VPS9D1: variants seen among roughly 807,000 people sequenced by gnomAD.
VPS9D1 encodes the protein VPS9 domain containing 1.
VPS9D1 carries 78 observed loss-of-function variants against 75.8 expected under a neutral mutation model. The ratio of observed to expected loss-of-function variants is 1.03; its 90% confidence interval spans 0.86 to 1.24. VPS9D1 has a LOEUF of 1.24. Ranked by LOEUF, VPS9D1 falls within the 50% of genes most tolerant of loss-of-function variation. The pLI is 0.00. For synonymous variants in VPS9D1, 481 were observed against 385.6 expected (o/e 1.25, Z -2.90); for missense variants, 1,057 against 847.7 (o/e 1.25, Z -3.07).
Position 89,710,739 on chromosome 16 carries a change from T to C in VPS9D1, c.1105A>G (p.Thr369Ala). The C allele has an allele frequency of 6.3e-7, 1 of 1,585,520 alleles. No homozygotes were observed. The highest frequency in any genetic ancestry group is 8.6e-7 in the Non-Finnish European group (1 of 1,166,146). Residue 369 changes from threonine (T) to alanine (A), a missense_variant, in exon 10 of 15, where the codon ACC (threonine) becomes GCC (alanine). Thr to Ala is a moderately conservative substitution (Grantham distance 58). Transcript: ENST00000389386. ...PVGSPSPLGD[T>A]ASGLPDKDSS... Reference sequence around the variant, plus strand: ...TCCTTGTCTGGCAATCCAGATGCGGTGTCCCCCAGGGGTGAGGGAGACCCC... The same window carrying C: ...TCCTTGTCTGGCAATCCAGATGCGGCGTCCCCCAGGGGTGAGGGAGACCCC...
chr16:89,718,303 C>T (rs1158310646), intron 2 of VPS9D1: 2 of 350,198 alleles, frequency 5.7e-6, no homozygotes, highest in Admixed American at 3.9e-5. Context: ...CAGTCCTCAC[C>T]TGAGGCTCCA....
chr16:89,711,930 C>G lies in VPS9D1; in HGVS notation c.699G>C (p.Arg233=), dbSNP rs979597121. Residue 233 remains arginine, a synonymous_variant, in exon 8 of 15, where the codon CGG becomes CGC. Coordinates refer to ENST00000389386, the MANE Select transcript of VPS9D1 (RefSeq NM_004913.3). ...TGGCGGCGTAAAGGGCCCGCTGCTC[C>G]CGTTCCTCCGGGGTCAGGGCGACTT... The part of the protein sequence containing the change: ...CSQVALTPEE[R]EQRALYAAIL... 1 of 1,551,654 alleles carries G rather than the reference C, an allele frequency of 6.4e-7. No homozygotes were observed. The highest frequency in any genetic ancestry group is 1.2e-5 in the South Asian group (1 of 84,144).
intron 4 of VPS9D1, chr16:89,713,059 G>C: frequency 5.9e-6 from 1 of 170,270 alleles, no homozygotes; most frequent in Non-Finnish European, 1.3e-5. Context: ...GTGCACACTT[G>C]TAATCCCAGC....
chr16:89,708,971 G>T lies in VPS9D1; in HGVS notation c.1598-15C>A. 2 of 1,581,954 alleles carry T rather than the reference G, an allele frequency of 1.3e-6. No individual in the cohort carries two copies. The highest frequency in any genetic ancestry group is 1.8e-5 in the Admixed American group (1 of 55,910). On this transcript the variant is annotated splice_polypyrimidine_tract_variant and intron_variant, in intron 12 of 14. Transcript: ENST00000389386. ...CAGGGTCCGCACTGCGCCCCAGACA[G>T]GGTTTCAGGGGCAGTTAACCCCGTC... is the stretch of plus-strand genomic sequence containing the variant.
chr16:89,713,788 A>G (rs895024761), intron 4 of VPS9D1, among the ~76,000 whole-genome samples: 5 of 151,492 alleles, frequency 3.3e-5, no homozygotes, highest in African/African-American at 1.2e-4. Flanking sequence ...GCAGGCGGAT[A>G]ATGAGGTCAG....
Position 89,712,468 on chromosome 16 carries a change from C to T in VPS9D1, c.598G>A (p.Glu200Lys), listed in dbSNP as rs2060955600. ...MENLVIAKAREETLQRKMEER... is the reference protein window; with the variant it reads ...MENLVIAKARKETLQRKMEER... ...GCGGTCAGAAAGGCTGCTGTCTCCT[C>T]CCGGGCTTTGGCAATCACTAGGTTC... The change falls in exon 6 of 15, where the codon GAG becomes AAG. Residue 200 changes from glutamate (E) to lysine (K), a missense_variant. Coordinates refer to ENST00000389386, the MANE Select transcript of VPS9D1 (RefSeq NM_004913.3). 2 of 1,613,402 alleles carry T rather than the reference C, an allele frequency of 1.2e-6. No individual in the cohort carries two copies. The highest frequency in any genetic ancestry group is 2.2e-5 in the East Asian group (1 of 44,882).
At position 89,710,576 on chromosome 16, in the gene VPS9D1, CTGGCCTCACCTACGGCATTG is replaced by C. The variant is rs775284757; in HGVS notation, c.1248_1258+9del. ...CTGCGGCGGCTCTCCCAGGGAGGGC[CTGGCCTCACCTACGGCATTG>C]TGGATCTCCTCCACCGCGGTCTTCA... On this transcript the variant is annotated splice_donor_variant and splice_donor_5th_base_variant and coding_sequence_variant and intron_variant, in exon 10 of 15. Transcript: ENST00000389386. LOFTEE classifies it high-confidence loss of function. 1.3e-6 allele frequency: 2 copies of C among 1,584,698 alleles called. No individual in the cohort carries two copies. The highest frequency in any genetic ancestry group is 1.7e-6 in the Non-Finnish European group (2 of 1,159,150).
chr16:89,709,269 G>A lies in VPS9D1; in HGVS notation c.1555C>T (p.Leu519=). The A allele has an allele frequency of 3.1e-6, 5 of 1,611,496 alleles. No individual in the cohort carries two copies. The highest frequency in any genetic ancestry group is 4.2e-6 in the Non-Finnish European group (5 of 1,179,846). Residue 519 remains leucine (L), a synonymous_variant, in exon 12 of 15, where the codon CTG becomes TTG. Coordinates refer to ENST00000389386, the MANE Select transcript of VPS9D1 (RefSeq NM_004913.3). ...TTCTGGGGGCAGCTCTCCAGGACCA[G>A]CAGTCCGAGCTCCTGGGCCGCCGCG... ...YCAAAQELGL[L]VLESCPQKKL...
Position 89,707,739 on chromosome 16 carries a change from C to G in VPS9D1, c.*122G>C, listed in dbSNP as rs2060824787. 7.3e-6 allele frequency: 6 copies of G among 817,854 alleles called. No homozygotes were observed. Among genetic ancestry groups the G allele is most frequent in the Non-Finnish European group, 1.2e-5 (6 of 502,234 alleles). 50.7% of individuals were successfully genotyped at this position (817,854 alleles called of 1,614,324 possible). A position where few individuals can be genotyped will look rare whatever the true frequency, so the allele number is the denominator to read the frequency against. ...GCACACCACAGTGGACAAGCCCCCACCATGTGCAGAGCAGCGTGAGGCTCC... is the reference window on the plus strand; with the variant it reads ...GCACACCACAGTGGACAAGCCCCCAGCATGTGCAGAGCAGCGTGAGGCTCC... On this transcript the variant is annotated 3_prime_UTR_variant, in exon 15 of 15. Coordinates refer to ENST00000389386, the MANE Select transcript of VPS9D1 (RefSeq NM_004913.3).
chr16:89,711,937 T>G lies in VPS9D1; in HGVS notation c.692A>C (p.Glu231Ala). The change falls in exon 8 of 15, where the codon GAG becomes GCG. Residue 231 changes from glutamate (E) to alanine (A), a missense_variant. Glu to Ala is a moderately radical substitution (Grantham distance 107, BLOSUM62 -1). Coordinates refer to ENST00000389386, the MANE Select transcript of VPS9D1 (RefSeq NM_004913.3). ...RFCSQVALTPEEREQRALYAA... is the reference protein window; with the variant it reads ...RFCSQVALTPAEREQRALYAA... ...GTAAAGGGCCCGCTGCTCCCGTTCC[T>G]CCGGGGTCAGGGCGACTTGGCTGCA... is the stretch of plus-strand genomic sequence containing the variant. 6.4e-7 allele frequency: 1 copy of G among 1,551,440 alleles called. No homozygotes were observed. Among genetic ancestry groups the G allele is most frequent in the Non-Finnish European group, 8.7e-7 (1 of 1,147,086 alleles).
chr16:89,711,795 C>T, intron 8 of VPS9D1, 87 bp downstream of exon 8: 3 of 1,366,474 alleles, frequency 2.2e-6, no homozygotes, highest in Non-Finnish European at 2.9e-6. Flanking sequence ...TCTGGCTCCG[C>T]CCCCCACGGG....
At chr16:89,719,485 C>T (rs2061183841) in intron 1 of VPS9D1, 2 of 398,936 alleles carry the variant, frequency 5.0e-6, no homozygotes, top group African/African-American at 2.1e-5. Flanking sequence ...ATGTTTCCTT[C>T]TTGTGCAACT....
intron 1 of VPS9D1, 142 bp downstream of exon 1, chr16:89,720,621 C>A: frequency 2.4e-6 from 3 of 1,228,592 alleles, no homozygotes; most frequent in Non-Finnish European, 3.1e-6. Flanking sequence ...CCCGTCCTCG[C>A]CCGGGAACCG....
intron 8 of VPS9D1, 112 bp from the exon 9 acceptor site, chr16:89,711,524 C>T: frequency 9.4e-7 from 1 of 1,060,672 alleles, no homozygotes; most frequent in South Asian, 1.6e-5. Flanking sequence ...TCCTGGGGTG[C>T]AGGAGACCCA....
chr16:89,717,591 C>T (rs1278615679), intron 2 of VPS9D1: 1 of 456,506 alleles, frequency 2.2e-6, no homozygotes, highest in South Asian at 1.5e-5. Context: ...GAAAACTTCT[C>T]ATAGACTCCC....
At chr16:89,719,132 C>A in intron 1 of VPS9D1, 30 bp from the exon 2 acceptor site, 1 of 1,607,036 alleles carries the variant, frequency 6.2e-7, no homozygotes, top group African/African-American at 1.3e-5. Flanking sequence ...AGAGTGGGGT[C>A]AGGCCAGTGG....
chr16:89,713,436 A>T (rs954979954), intron 4 of VPS9D1, among the ~76,000 whole-genome samples: 9 of 151,346 alleles, frequency 5.9e-5, no homozygotes, highest in Admixed American at 4.6e-4. Flanking sequence ...TTGTATTTTT[A>T]GTAGAGACGG....
rs200711414 is a variant in VPS9D1 at position 89,711,417 on chromosome 16, G to A, written c.748-5C>T. ...CTTCCAGTGCTTCGGCCAGTCCTAC[G>A]GGACAGGGGGCCTTGAAGGAAAGCA... On this transcript the variant is annotated splice_polypyrimidine_tract_variant and splice_region_variant and intron_variant, in intron 8 of 14. Coordinates refer to ENST00000389386, the MANE Select transcript of VPS9D1 (RefSeq NM_004913.3). 577 of 1,601,716 alleles carry A rather than the reference G, an allele frequency of 3.6e-4. 1 individual carries two copies. Among genetic ancestry groups the A allele is most frequent in the Non-Finnish European group, 4.5e-4 (533 of 1,174,408 alleles).
rs1414286956 is a variant in VPS9D1, at chr16:89,707,479, G to A, written c.*382C>T. The A allele has an allele frequency of 2.8e-5, 5 of 178,308 alleles. No individual in the cohort carries two copies. Among genetic ancestry groups the A allele is most frequent in the South Asian group, 1.4e-4 (1 of 7,258 alleles). The allele number at this position is 178,308 out of a possible 1,614,324, so 11.0% of individuals were successfully genotyped here. On this transcript the variant is annotated 3_prime_UTR_variant, in exon 15 of 15. Transcript: ENST00000389386. ...TGGACTGCCGTCTCCACTGCTGGCCGGCTCATGGCCCCCTCTTCCCTGATG... is the reference window on the plus strand; with the variant it reads ...TGGACTGCCGTCTCCACTGCTGGCCAGCTCATGGCCCCCTCTTCCCTGATG...
Sources: allele counts gnomAD v4.1 joint callset (sites outside exome capture counted in the v4.1 genomes callset), GRCh38; gene constraint gnomAD v4.1.1; transcripts MANE v1.5; gene names NCBI Gene and HGNC (gene_info 2026-07-23, HGNC 2026-07-21).